NT5C1A: variants seen among roughly 807,000 people sequenced by gnomAD.
The protein encoded by NT5C1A is cytosolic 5'-nucleotidase 1A.
Under a neutral mutation model 31.0 loss-of-function variants are expected in NT5C1A, and 18 were observed. The observed-to-expected ratio is 0.58, with a 90% CI of 0.40 to 0.86. The LOEUF is 0.86. NT5C1A is among the 40% of genes least tolerant of loss of function. The pLI, the probability that NT5C1A is intolerant of heterozygous loss-of-function variation, is 0.00. For synonymous variants in NT5C1A, 185 were observed against 203.6 expected (o/e 0.91, Z 0.78); for missense variants, 470 against 505.4 (o/e 0.93, Z 0.67).
Position 39,660,050 on chromosome 1 carries a change from C to A in NT5C1A, c.742-564G>T, listed in dbSNP as rs77021747. 4.1e-3 allele frequency among the ~76,000 whole-genome samples: 627 copies of A among 152,250 alleles called. 5 individuals are homozygous for A. Among genetic ancestry groups the A allele is most frequent in the African/African-American group, 0.015 (607 of 41,528 alleles). ...GAGGATGTGAGAATAAAAAAACAGA[C>A]AACGATGAAGAAAACTGCTTATTTC... On this transcript the variant is annotated intron_variant, in intron 5 of 5. Transcript: ENST00000235628.
At chr1:39,666,834 A>G (rs938022544) in intron 1 of NT5C1A, among the ~76,000 whole-genome samples, 2 of 152,164 alleles carry the variant, frequency 1.3e-5, no homozygotes, top group African/African-American at 4.8e-5. Flanking sequence ...TAGAACCACT[A>G]TCCACTCATT....
At chr1:39,660,843 T>C (rs1213551006) in intron 5 of NT5C1A, among the ~76,000 whole-genome samples, 1 of 151,570 alleles carries the variant, frequency 6.6e-6, no homozygotes, top group African/African-American at 2.4e-5. Context: ...GAGGCTTAGA[T>C]AGAGAATGGA....
At chr1:39,670,874 C>CT (rs902580706) in intron 1 of NT5C1A, among the ~76,000 whole-genome samples, 1 of 152,142 alleles carries the variant, frequency 6.6e-6, no homozygotes, top group African/African-American at 2.4e-5. Flanking sequence ...TCTACTCCCC[C>CT]CCCAACTCCC....
intron 3 of NT5C1A, among the ~76,000 whole-genome samples, chr1:39,664,497 T>TCCTCTCCTCC (rs1646510280): frequency 1.1e-3 from 2 of 1,822 alleles, no homozygotes; most frequent in African/African-American, 4.8e-3. Context: ...TCTCCTCCTC[T>TCCTCTCCTCC]CCTCTCCTCT....
Position 39,659,133 on chromosome 1 carries a change from T to C in NT5C1A, c.1095A>G (p.Pro365=), listed in dbSNP as rs1646477069. The change falls in exon 6 of 6, where the codon CCA becomes CCG. Residue 365 remains proline (P), a synonymous_variant. Transcript: ENST00000235628. ...PRRTAPAKQA[P]SAQ ...GCCGGTGGTTCAGCTACTGTGCAGATGGGGCCTGCTTTGCAGGTGCAGTCC... is the reference window on the plus strand; with the variant it reads ...GCCGGTGGTTCAGCTACTGTGCAGACGGGGCCTGCTTTGCAGGTGCAGTCC... 6.2e-7 allele frequency: 1 copy of C among 1,603,314 alleles called. No individual in the cohort carries two copies. The highest frequency in any genetic ancestry group is 8.5e-7 in the Non-Finnish European group (1 of 1,173,270).
Position 39,666,092 on chromosome 1 carries a change from C to A in NT5C1A, c.280G>T (p.Gly94Trp). The A allele has an allele frequency of 6.2e-7, 1 of 1,613,364 alleles. No individual in the cohort carries two copies. Among genetic ancestry groups the A allele is most frequent in the Non-Finnish European group, 8.5e-7 (1 of 1,179,836 alleles). The change falls in exon 2 of 6, where the codon GGG becomes TGG. Residue 94 changes from glycine to tryptophan, a missense_variant. By Grantham distance (184) the Gly-to-Trp change is radical. Coordinates refer to ENST00000235628, the MANE Select transcript of NT5C1A (RefSeq NM_032526.3). The stretch of plus-strand genomic sequence containing the variant: ...ACCTTCACAAAAGGGAAGGCTGGCC[C>A]GGGACTGAAGGGTTCGTTCTCATGT... ...LEHENEPFSP[G>W]PAFPFVKALE...
rs72931439 is a variant in NT5C1A, at chr1:39,663,232, C to T, written c.556+80G>A. The T allele has an allele frequency of 1.3e-3, 2,047 of 1,546,388 alleles. 27 individuals carry two copies. In the African/African-American group the frequency reaches 0.025, roughly 19 times the overall value. Reference sequence around the variant, plus strand: ...ACCATGGCAACTCCCAGCACCTGCTCGGAACTTCAGGACCAGGCCTCCCAC... The same window carrying T: ...ACCATGGCAACTCCCAGCACCTGCTTGGAACTTCAGGACCAGGCCTCCCAC... On this transcript the variant is annotated intron_variant, in intron 4 of 5. Transcript: ENST00000235628.
chr1:39,663,202 T>G (rs1646500431), intron 4 of NT5C1A, 110 bp downstream of exon 4: 1 of 1,242,934 alleles, frequency 8.0e-7, no homozygotes, highest in African/African-American at 1.5e-5. Flanking sequence ...CCTTGCCTTC[T>G]AGTTACCATG....
rs1471308123 is a variant in NT5C1A, at chr1:39,663,312, C to T, written c.556G>A (p.Gly186Arg). ...AEKVREAIDE[G>R]IAAATIFSPS... ...ATTCTTCCTCTTCACTTAGACTTAC[C>T]CTCATCAATGGCTTCTCGCACTTTT... Residue 186 changes from glycine to arginine, a missense_variant and splice_region_variant, in exon 4 of 6, where the codon GGG (glycine) becomes AGG (arginine). Gly to Arg is a moderately radical substitution (Grantham distance 125). Transcript: ENST00000235628. 1 of 1,614,042 alleles carries T rather than the reference C, an allele frequency of 6.2e-7. No homozygotes were observed. The highest frequency in any genetic ancestry group is 8.5e-7 in the Non-Finnish European group (1 of 1,180,020).
At chr1:39,661,040 C>T (rs780992697) in intron 5 of NT5C1A, 39 bp downstream of exon 5, 12 of 1,344,254 alleles carry the variant, frequency 8.9e-6, no homozygotes, top group Non-Finnish European at 7.4e-6. Flanking sequence ...TGGGGAGCTG[C>T]CTTGTTCCTC....
intron 1 of NT5C1A, among the ~76,000 whole-genome samples, chr1:39,670,969 C>T (rs1429249856): frequency 1.3e-5 from 2 of 152,172 alleles, no homozygotes; most frequent in Non-Finnish European, 2.9e-5. Context: ...TCAATCCCCA[C>T]TCTTGAGCAG....
Position 39,652,482 on chromosome 1 carries a change from C to T in NT5C1A, c.*6639G>A, listed in dbSNP as rs757393145. Among the ~76,000 whole-genome samples, 5 of 152,072 alleles carry T rather than the reference C, an allele frequency of 3.3e-5. No individual in the cohort carries two copies. The highest frequency in any genetic ancestry group is 1.3e-4 in the Admixed American group (2 of 15,260). ...CACTCATTTATGTTTCCTGCCTCGCCCCTGTAGGCATTGGGGTTTGTGACC... is the reference window on the plus strand; with the variant it reads ...CACTCATTTATGTTTCCTGCCTCGCTCCTGTAGGCATTGGGGTTTGTGACC... On this transcript the variant is annotated 3_prime_UTR_variant, in exon 6 of 6. Coordinates refer to ENST00000235628, the MANE Select transcript of NT5C1A (RefSeq NM_032526.3).
At chr1:39,660,939 A>G in intron 5 of NT5C1A, 140 bp downstream of exon 5, 1 of 588,000 alleles carries the variant, frequency 1.7e-6, no homozygotes, top group Non-Finnish European at 3.2e-6. Flanking sequence ...GTCAGTGGTC[A>G]AGTGAGAGGG....
In NT5C1A at chr1:39,655,770, G is replaced by A. The variant is rs967945283; in HGVS notation, c.*3351C>T. 2.6e-5 allele frequency among the ~76,000 whole-genome samples: 4 copies of A among 151,894 alleles called. No individual in the cohort carries two copies. The highest frequency in any genetic ancestry group is 7.3e-5 in the African/African-American group (3 of 41,374). On this transcript the variant is annotated 3_prime_UTR_variant, in exon 6 of 6. Transcript: ENST00000235628. ...TGCAGCCTCCTAGAGGCTGCATTGT[G>A]GGAAAATGGAGCGCTCACAGTGGAA...
Position 39,666,153 on chromosome 1 carries a change from C to A in NT5C1A, c.219G>T (p.Glu73Asp). 1 of 1,613,658 alleles carries A rather than the reference C, an allele frequency of 6.2e-7. No homozygotes were observed. The highest frequency in any genetic ancestry group is 8.5e-7 in the Non-Finnish European group (1 of 1,180,004). ...RMDEEQQIYT[E>D]QGVEEYVRYQ... ...AGCGCACGTACTCCTCCACGCCCTG[C>A]TCCGTGTAGATCTGCTGCTCCTCGT... The change falls in exon 2 of 6, where the codon GAG becomes GAT. Residue 73 changes from glutamate to aspartate, a missense_variant. Transcript: ENST00000235628.
chr1:39,654,293 A>G lies in NT5C1A; in HGVS notation c.*4828T>C, dbSNP rs956376100. On this transcript the variant is annotated 3_prime_UTR_variant, in exon 6 of 6. Transcript: ENST00000235628. ...TTGATCAGTAACTTCTGAACCGGCT[A>G]AAGTCCTCACGGGACCCTCTTCACG... 2.0e-5 allele frequency among the ~76,000 whole-genome samples: 3 copies of G among 152,258 alleles called. No individual in the cohort carries two copies. The highest frequency in any genetic ancestry group is 2.1e-4 in the South Asian group (1 of 4,832).
At chr1:39,660,805 A>T (rs1170076319) in intron 5 of NT5C1A, among the ~76,000 whole-genome samples, 2 of 151,890 alleles carry the variant, frequency 1.3e-5, no homozygotes, top group African/African-American at 2.4e-5. Flanking sequence ...TGGGGATTTG[A>T]GCTGCAGAGG....
chr1:39,671,095 G>A (rs533312941), intron 1 of NT5C1A, among the ~76,000 whole-genome samples: 14 of 152,318 alleles, frequency 9.2e-5, no homozygotes, highest in African/African-American at 3.4e-4. Flanking sequence ...GAGGACCGCT[G>A]TGGGCCAACC....
chr1:39,668,594 G>A (rs897744107), intron 1 of NT5C1A, among the ~76,000 whole-genome samples: 1 of 152,188 alleles, frequency 6.6e-6, no homozygotes, highest in Non-Finnish European at 1.5e-5. Context: ...CAAGTCTCCG[G>A]CCTCTAGCCT....
Sources: allele counts gnomAD v4.1 joint callset (sites outside exome capture counted in the v4.1 genomes callset), GRCh38; gene constraint gnomAD v4.1.1; transcripts MANE v1.5; gene names NCBI Gene and HGNC (gene_info 2026-07-23, HGNC 2026-07-21).